Variants in ARHGAP42 observed in about 807,000 individuals in gnomAD.
ARHGAP42 encodes Rho GTPase activating protein 42.
ARHGAP42 carries 63 observed loss-of-function variants against 125.0 expected under a neutral mutation model. That is an observed-to-expected ratio of 0.50 (90% CI 0.41 to 0.62). ARHGAP42 has a LOEUF of 0.62. ARHGAP42 is among the 20% of genes least tolerant of loss of function. ARHGAP42 has a pLI of 0.00. For missense variants in ARHGAP42, 766 were observed against 1,024.2 expected (o/e 0.75, Z 3.44); for synonymous variants, 339 against 351.0 (o/e 0.97, Z 0.38).
intron 1 of ARHGAP42, among the ~76,000 whole-genome samples, chr11:100,709,661 C>T (rs1029846153): frequency 3.9e-5 from 6 of 152,304 alleles, no homozygotes; most frequent in East Asian, 1.9e-4. Flanking sequence ...ATATTTTTCT[C>T]GCTTCTGCAT....
chr11:100,936,439 T>C (rs890851329), intron 8 of ARHGAP42, 107 bp downstream of exon 8: 10 of 1,398,724 alleles, frequency 7.1e-6, no homozygotes, highest in Non-Finnish European at 8.7e-6. Context: ...AAATTTCTTA[T>C]AGCTTTATAT....
chr11:100,932,836 A>T (rs915738979), intron 6 of ARHGAP42, among the ~76,000 whole-genome samples: 3 of 152,060 alleles, frequency 2.0e-5, no homozygotes, highest in African/African-American at 7.2e-5. Flanking sequence ...CCAGGGTGGG[A>T]TCTATGCTAT....
intron 1 of ARHGAP42, among the ~76,000 whole-genome samples, chr11:100,718,138 C>G (rs1008558039): frequency 6.6e-6 from 1 of 152,024 alleles, no homozygotes; most frequent in Admixed American, 6.6e-5. Context: ...TATAGTGAAG[C>G]CTGATTCACT....
chr11:100,966,595 A>G (rs1858101113), intron 17 of ARHGAP42, among the ~76,000 whole-genome samples: 1 of 152,142 alleles, frequency 6.6e-6, no homozygotes, highest in Admixed American at 6.5e-5. Context: ...AAGACTACTC[A>G]TTTAAATGAT....
At chr11:100,862,051 A>G (rs957995558) in intron 4 of ARHGAP42, among the ~76,000 whole-genome samples, 5 of 152,224 alleles carry the variant, frequency 3.3e-5, no homozygotes, top group Non-Finnish European at 5.9e-5. Flanking sequence ...ATGGTATCCT[A>G]GCACAAGGAG....
chr11:100,980,375 C>T (rs1346298285), intron 22 of ARHGAP42, among the ~76,000 whole-genome samples: 2 of 151,826 alleles, frequency 1.3e-5, no homozygotes, highest in Non-Finnish European at 2.9e-5. Flanking sequence ...CTAGATGGAG[C>T]CCTTTTATTA....
At position 100,941,853 on chromosome 11, in the gene ARHGAP42, G is replaced by A; in HGVS notation, c.902G>A (p.Ser301Asn). 6.5e-7 allele frequency: 1 copy of A among 1,537,708 alleles called. No individual in the cohort carries two copies. Among genetic ancestry groups the A allele is most frequent in the Non-Finnish European group, 8.8e-7 (1 of 1,142,272 alleles). Residue 301 changes from serine (S) to asparagine (N), a missense_variant, in exon 9 of 24, where the codon AGT becomes AAT. By Grantham distance (46) the Ser-to-Asn change is conservative (BLOSUM62 1). Coordinates refer to ENST00000298815, the MANE Select transcript of ARHGAP42 (RefSeq NM_152432.4). ...AAGGGAAGTAAAACATTTACAATGA[G>A]TGTTTCAGAAATGAAATCCAGTGGG... ...YDKGSKTFTM[S>N]VSEMKSSGKM... is the part of the protein sequence containing the mutation.
At chr11:100,695,520 G>C (rs1861261645) in intron 1 of ARHGAP42, among the ~76,000 whole-genome samples, 1 of 152,102 alleles carries the variant, frequency 6.6e-6, no homozygotes, top group Admixed American at 6.6e-5. Flanking sequence ...GGTCAGGCTG[G>C]TCTCAAACTC....
At chr11:100,969,440 T>C (rs1858181937) in intron 17 of ARHGAP42, among the ~76,000 whole-genome samples, 1 of 152,146 alleles carries the variant, frequency 6.6e-6, no homozygotes, top group Admixed American at 6.5e-5. Context: ...TCTTTGAGTA[T>C]TTTTTTCTAC....
chr11:100,853,940 A>G (rs1021044246), intron 3 of ARHGAP42, among the ~76,000 whole-genome samples: 1 of 152,076 alleles, frequency 6.6e-6, no homozygotes, highest in African/African-American at 2.4e-5. Flanking sequence ...GAGCACTGCA[A>G]TTGGCCTACT....
At chr11:100,779,481 T>TACACAC in intron 2 of ARHGAP42, among the ~76,000 whole-genome samples, 2 of 87,386 alleles carry the variant, frequency 2.3e-5, no homozygotes, top group East Asian at 6.8e-4. Flanking sequence ...TATATATATA[T>TACACAC]ATATACACAC....
At chr11:100,977,005 C>A (rs1293189866) in intron 21 of ARHGAP42, 34 bp downstream of exon 21, 7 of 1,548,538 alleles carry the variant, frequency 4.5e-6, no homozygotes, top group Non-Finnish European at 8.7e-7. Flanking sequence ...CTGTGTCTCC[C>A]AGGGATACAG....
chr11:100,962,768 C>T (rs189586174), intron 16 of ARHGAP42, among the ~76,000 whole-genome samples: 121 of 151,974 alleles, frequency 8.0e-4, no homozygotes, highest in African/African-American at 2.7e-3. Flanking sequence ...CCCAGCTGCT[C>T]GGGAAGCTGA....
intron 2 of ARHGAP42, among the ~76,000 whole-genome samples, chr11:100,783,374 T>C (rs1863358506): frequency 1.3e-5 from 2 of 152,306 alleles, no homozygotes; most frequent in Middle Eastern, 3.4e-3. Context: ...AGGCGGAGGC[T>C]GCAGTGAGCT....
intron 3 of ARHGAP42, among the ~76,000 whole-genome samples, chr11:100,840,940 C>G (rs923840312): frequency 3.3e-5 from 5 of 152,106 alleles, no homozygotes; most frequent in Non-Finnish European, 7.4e-5. Flanking sequence ...GGGCTTCAGT[C>G]TCCTTACTCC....
At chr11:100,961,058 T>C in intron 14 of ARHGAP42, 69 bp downstream of exon 14, 1 of 1,007,634 alleles carries the variant, frequency 9.9e-7, no homozygotes, top group South Asian at 1.9e-5. Flanking sequence ...ATGGACTTCT[T>C]TGACTAGTGC....
At chr11:100,739,770 C>G (rs1479006411) in intron 1 of ARHGAP42, among the ~76,000 whole-genome samples, 1 of 152,118 alleles carries the variant, frequency 6.6e-6, no homozygotes, top group African/African-American at 2.4e-5. Flanking sequence ...GTGAGCATAA[C>G]TTCTTTTCCC....
chr11:100,952,822 G>A (rs1276344396), intron 12 of ARHGAP42, among the ~76,000 whole-genome samples: 1 of 142,554 alleles, frequency 7.0e-6, no homozygotes, highest in African/African-American at 2.6e-5. Context: ...CCGCCTCCTG[G>A]GTTCAAGCAA....
chr11:100,982,724 G>A (rs1819976864), intron 22 of ARHGAP42, among the ~76,000 whole-genome samples: 1 of 152,064 alleles, frequency 6.6e-6, no homozygotes, highest in Non-Finnish European at 1.5e-5. Flanking sequence ...CATAAATTGA[G>A]AATTGAGTGT....
Sources: allele counts gnomAD v4.1 joint callset (sites outside exome capture counted in the v4.1 genomes callset), GRCh38; gene constraint gnomAD v4.1.1; transcripts MANE v1.5; gene names NCBI Gene and HGNC (gene_info 2026-07-23, HGNC 2026-07-21).